The following GRM5 variants were observed in gnomAD, a reference collection of about 807,000 sequenced individuals.
GRM5 encodes the protein metabotropic glutamate receptor 5.
In GRM5, 19 loss-of-function variants were observed where a neutral mutation model predicts 83.1. The ratio of observed to expected loss-of-function variants is 0.23; its 90% CI spans 0.16 to 0.34. GRM5 has a LOEUF of 0.34. Ranked by LOEUF, GRM5 falls within the 10% of genes least tolerant of loss-of-function variation. The pLI, the probability that GRM5 is intolerant of heterozygous loss-of-function variation, is 1.00. For missense variants in GRM5, 1,160 were observed against 1,588.3 expected (o/e 0.73, Z 4.58); for synonymous variants, 675 against 633.6 (o/e 1.07, Z -0.98).
intron 3 of GRM5, among the ~76,000 whole-genome samples, chr11:88,767,232 G>A (rs138630739): frequency 3.0e-4 from 45 of 152,026 alleles, no homozygotes; most frequent in African/African-American, 9.6e-4. Flanking sequence ...CACTACTAGT[G>A]GGAGTGTAAT....
At chr11:88,814,241 C>T (rs1040707606) in intron 3 of GRM5, among the ~76,000 whole-genome samples, 1 of 152,132 alleles carries the variant, frequency 6.6e-6, no homozygotes, top group Non-Finnish European at 1.5e-5. Flanking sequence ...AGCCCATAGC[C>T]ACAAGGGAAT....
At chr11:88,810,128 C>T (rs745999877) in intron 3 of GRM5, among the ~76,000 whole-genome samples, 14 of 151,874 alleles carry the variant, frequency 9.2e-5, no homozygotes, top group Admixed American at 2.6e-4. Context: ...GAGATTAGGC[C>T]CCAAGTATGA....
intron 3 of GRM5, among the ~76,000 whole-genome samples, chr11:88,844,616 T>C (rs915211651): frequency 6.6e-6 from 1 of 152,174 alleles, no homozygotes; most frequent in African/African-American, 2.4e-5. Flanking sequence ...TAGATGGTAA[T>C]CCCTCAGATG....
Position 88,507,331 on chromosome 11 carries a change from T to A in GRM5, c.*1261A>T, listed in dbSNP as rs1287331551. 1 of 152,238 alleles carries A rather than the reference T, an allele frequency of 6.6e-6. No homozygotes were observed. The highest frequency in any genetic ancestry group is 1.5e-5 in the Non-Finnish European group (1 of 68,048). 9.4% of individuals were successfully genotyped at this position (152,238 alleles called of 1,614,324 possible). On this transcript the variant is annotated 3_prime_UTR_variant, in exon 10 of 10. Transcript: ENST00000305447. ...CTCTTTTTTAGTATTTTGTATTGCT[T>A]TGAAAAATCTACATTTGTCATAGTT...
At chr11:88,660,606 T>G (rs542860684) in intron 3 of GRM5, among the ~76,000 whole-genome samples, 15 of 152,324 alleles carry the variant, frequency 9.8e-5, no homozygotes, top group African/African-American at 3.6e-4. Flanking sequence ...ATTAAACTTG[T>G]GTCAGGAAAT....
At chr11:88,608,422 C>A (rs1938219715) in intron 4 of GRM5, among the ~76,000 whole-genome samples, 1 of 151,992 alleles carries the variant, frequency 6.6e-6, no homozygotes, top group Non-Finnish European at 1.5e-5. Context: ...ACTTTACCAA[C>A]ACCTAACATA....
intron 2 of GRM5, among the ~76,000 whole-genome samples, chr11:88,950,288 GA>G (rs900037626): frequency 1.3e-5 from 2 of 150,438 alleles, no homozygotes; most frequent in African/African-American, 4.9e-5. Flanking sequence ...ACTGTTAATT[GA>G]AAAAAAATAG....
At chr11:88,986,848 T>C (rs1939733235) in intron 2 of GRM5, among the ~76,000 whole-genome samples, 1 of 149,940 alleles carries the variant, frequency 6.7e-6, no homozygotes, top group Non-Finnish European at 1.5e-5. Context: ...TTTTCACATC[T>C]CACATTTAAG....
At chr11:88,828,953 TTC>T (rs1036332709) in intron 3 of GRM5, among the ~76,000 whole-genome samples, 2 of 152,002 alleles carry the variant, frequency 1.3e-5, no homozygotes, top group Non-Finnish European at 2.9e-5. Flanking sequence ...ATTAAATGTC[TTC>T]TCTTTTTTAT....
chr11:89,043,824 G>A (rs899111185), intron 2 of GRM5, among the ~76,000 whole-genome samples: 2 of 152,128 alleles, frequency 1.3e-5, no homozygotes, highest in Non-Finnish European at 2.9e-5. Flanking sequence ...CATGTTTGAG[G>A]TCAACTGGTC....
chr11:88,902,149 T>C (rs537013506), intron 2 of GRM5, among the ~76,000 whole-genome samples: 117 of 152,158 alleles, frequency 7.7e-4, no homozygotes, highest in Admixed American at 1.8e-3. Flanking sequence ...AGAGAAAAGT[T>C]TTTTTGTTTT....
intron 3 of GRM5, among the ~76,000 whole-genome samples, chr11:88,832,550 C>T (rs1944014811): frequency 6.6e-6 from 1 of 151,972 alleles, no homozygotes; most frequent in Admixed American, 6.6e-5. Flanking sequence ...TCAAAGCAAT[C>T]TACAGATTCC....
At chr11:88,757,201 T>A (rs1942412152) in intron 3 of GRM5, among the ~76,000 whole-genome samples, 2 of 152,182 alleles carry the variant, frequency 1.3e-5, no homozygotes, top group South Asian at 2.1e-4. Context: ...CTGGCAAAAA[T>A]GTCCTTTGAA....
chr11:88,978,335 C>T (rs1939405342), intron 2 of GRM5, among the ~76,000 whole-genome samples: 1 of 151,730 alleles, frequency 6.6e-6, no homozygotes, highest in South Asian at 2.1e-4. Context: ...GTATATTTAC[C>T]TCCAAACTCA....
intron 3 of GRM5, among the ~76,000 whole-genome samples, chr11:88,816,020 T>C (rs375843182): frequency 0.017 from 2,475 of 146,936 alleles, 47 homozygotes; most frequent in East Asian, 0.065. Flanking sequence ...GAGACCATCC[T>C]GGCTAACAAG....
chr11:88,651,622 T>C (rs1347854896), intron 4 of GRM5, among the ~76,000 whole-genome samples: 1 of 152,076 alleles, frequency 6.6e-6, no homozygotes, highest in Non-Finnish European at 1.5e-5. Flanking sequence ...TCACGTATTT[T>C]GCCATAAAAA....
intron 2 of GRM5, among the ~76,000 whole-genome samples, chr11:88,947,775 A>C (rs1055363310): frequency 6.6e-6 from 1 of 152,144 alleles, no homozygotes; most frequent in Non-Finnish European, 1.5e-5. Flanking sequence ...GTTCAGAGCT[A>C]AAGGAAAAGC....
At chr11:88,840,224 C>A (rs1163498344) in intron 3 of GRM5, among the ~76,000 whole-genome samples, 1 of 152,060 alleles carries the variant, frequency 6.6e-6, no homozygotes, top group Non-Finnish European at 1.5e-5. Flanking sequence ...TAATTTCAGT[C>A]CCTGTATCAT....
intron 9 of GRM5, among the ~76,000 whole-genome samples, chr11:88,521,983 T>C (rs1941704095): frequency 6.6e-6 from 1 of 152,212 alleles, no homozygotes; most frequent in Admixed American, 6.5e-5. Flanking sequence ...CATGAATTCA[T>C]AGAGTACTGT....
Sources: allele counts gnomAD v4.1 joint callset (sites outside exome capture counted in the v4.1 genomes callset), GRCh38; gene constraint gnomAD v4.1.1; transcripts MANE v1.5; gene names NCBI Gene and HGNC (gene_info 2026-07-23, HGNC 2026-07-21).